The following MAGI2 variants were observed in gnomAD, a reference collection of about 807,000 sequenced individuals.
The protein encoded by MAGI2 is membrane associated guanylate kinase, WW and PDZ domain containing 2.
MAGI2 carries 35 observed loss-of-function variants against 133.3 expected under a neutral mutation model. That is an observed-to-expected ratio of 0.26 (90% CI 0.20 to 0.35). The LOEUF (loss-of-function observed/expected upper bound fraction) is 0.35, where lower values mean the gene tolerates loss of function less well. Among genes scored for constraint, MAGI2 ranks in the 10% least tolerant of loss-of-function variants. The probability of loss-of-function intolerance (pLI) is 1.00; values close to 1 mark genes in which losing one functional copy is unlikely to be tolerated. For synonymous variants in MAGI2, 729 were observed against 710.6 expected, an observed-to-expected ratio of 1.03 and a Z score of -0.41; for missense variants, 1,636 against 1,863.4, an observed-to-expected ratio of 0.88 and a Z score of 2.25.
intron 3 of MAGI2, among the ~76,000 whole-genome samples, chr7:78,614,152 G>C (rs960395071): frequency 6.6e-6 from 1 of 151,450 alleles, no homozygotes; most frequent in Non-Finnish European, 1.5e-5. Context: ...TGTGAATGTG[G>C]GCCTTTCAGG....
intron 1 of MAGI2, among the ~76,000 whole-genome samples, chr7:79,190,444 A>G (rs1189697983): frequency 6.6e-6 from 1 of 151,794 alleles, no homozygotes; most frequent in Non-Finnish European, 1.5e-5. Context: ...GTCTGTTCCT[A>G]TCTTACCCAT....
At chr7:78,371,142 G>A (rs1345774552) in intron 6 of MAGI2, among the ~76,000 whole-genome samples, 2 of 151,862 alleles carry the variant, frequency 1.3e-5, no homozygotes, top group Non-Finnish European at 2.9e-5. Flanking sequence ...AGATTAAGAA[G>A]AATAACTCTC....
Position 78,750,056 on chromosome 7 carries a change from G to A in MAGI2, c.419-122817C>T, listed in dbSNP as rs115799975. ...CTAGCCCCCAACCCCGACAGGCCCTGGTATGTGATGTTCCCCTCCCCATCT... is the reference window on the plus strand; with the variant it reads ...CTAGCCCCCAACCCCGACAGGCCCTAGTATGTGATGTTCCCCTCCCCATCT... On this transcript the variant is annotated intron_variant, in intron 2 of 21. Coordinates refer to ENST00000354212, the MANE Select transcript of MAGI2 (RefSeq NM_012301.4). Among the ~76,000 whole-genome samples the A allele has an allele frequency of 2.6e-3, 397 of 151,998 alleles. 1 individual carries two copies. Among genetic ancestry groups the A allele is most frequent in the African/African-American group, 9.1e-3 (377 of 41,444 alleles).
Position 79,453,427 on chromosome 7 carries a change from G to C in MAGI2, c.-107C>G. Reference sequence around the variant, plus strand: ...AGGGGGCCCAGGGGGAAGAACAGCAGACTTTGCCTTCGCCCCCCTCTATTC... The same window carrying C: ...AGGGGGCCCAGGGGGAAGAACAGCACACTTTGCCTTCGCCCCCCTCTATTC... On this transcript the variant is annotated 5_prime_UTR_variant, in exon 1 of 22. Coordinates refer to ENST00000354212, the MANE Select transcript of MAGI2 (RefSeq NM_012301.4). 6.7e-7 allele frequency: 1 copy of C among 1,501,680 alleles called. No individual in the cohort carries two copies. Among genetic ancestry groups the C allele is most frequent in the Non-Finnish European group, 8.8e-7 (1 of 1,132,400 alleles). The allele number at this position is 1,501,680 out of a possible 1,614,324, so 93.0% of individuals were successfully genotyped here.
chr7:79,337,478 A>T (rs948099281), intron 1 of MAGI2, among the ~76,000 whole-genome samples: 2 of 152,192 alleles, frequency 1.3e-5, no homozygotes, highest in Non-Finnish European at 2.9e-5. Flanking sequence ...AAAGAGAAAG[A>T]TCTACAGCAT....
chr7:79,371,884 A>T (rs848915), intron 1 of MAGI2, among the ~76,000 whole-genome samples: 53,850 of 151,946 alleles, frequency 0.35, 10,796 homozygotes, highest in African/African-American at 0.55. Context: ...GCAGCCAAGA[A>T]TCCACTTTGT....
At chr7:79,250,224 T>C (rs1833136916) in intron 1 of MAGI2, among the ~76,000 whole-genome samples, 1 of 151,946 alleles carries the variant, frequency 6.6e-6, no homozygotes, top group South Asian at 2.1e-4. Context: ...TTCTCTTCTC[T>C]AAGATCCAGA....
chr7:78,408,596 T>A (rs551901053), intron 6 of MAGI2, among the ~76,000 whole-genome samples: 4 of 152,136 alleles, frequency 2.6e-5, no homozygotes, highest in African/African-American at 9.6e-5. Flanking sequence ...CTTGGTCAAT[T>A]AGTAAGCAGA....
chr7:78,926,014 C>G (rs1405233952), intron 2 of MAGI2, among the ~76,000 whole-genome samples: 2 of 151,970 alleles, frequency 1.3e-5, no homozygotes, highest in Non-Finnish European at 2.9e-5. Flanking sequence ...TGTTCTCATA[C>G]TTTTCATTTT....
At chr7:78,941,317 G>T (rs1314676701) in intron 2 of MAGI2, among the ~76,000 whole-genome samples, 1 of 152,042 alleles carries the variant, frequency 6.6e-6, no homozygotes, top group African/African-American at 2.4e-5. Flanking sequence ...CAAGACACCT[G>T]CTCAACACAT....
intron 14 of MAGI2, among the ~76,000 whole-genome samples, chr7:78,171,714 C>T (rs553633010): frequency 1.2e-4 from 18 of 152,192 alleles, no homozygotes; most frequent in Non-Finnish European, 2.1e-4. Context: ...TACCAGGTCA[C>T]ACCCTTTTAG....
chr7:79,148,360 T>G (rs1033556579), intron 1 of MAGI2, among the ~76,000 whole-genome samples: 3 of 152,150 alleles, frequency 2.0e-5, no homozygotes, highest in African/African-American at 7.2e-5. Flanking sequence ...AAATTCTGTC[T>G]CACTTCCCAG....
chr7:79,132,648 G>A (rs751958773), intron 1 of MAGI2, among the ~76,000 whole-genome samples: 4 of 151,958 alleles, frequency 2.6e-5, no homozygotes, highest in East Asian at 1.9e-4. Context: ...TTTCCTTTGC[G>A]TAGATACCCA....
intron 4 of MAGI2, 51 bp downstream of exon 4, chr7:78,521,379 T>C (rs1211632178): frequency 7.4e-7 from 1 of 1,353,684 alleles, no homozygotes; most frequent in African/African-American, 1.4e-5. Flanking sequence ...ATATATATCT[T>C]AGATCTAAAA....
At chr7:79,443,263 A>AGTGTGT (rs10600872) in intron 1 of MAGI2, among the ~76,000 whole-genome samples, 11 of 143,672 alleles carry the variant, frequency 7.7e-5, no homozygotes, top group African/African-American at 2.3e-4. Flanking sequence ...TAGTGTTTGA[A>AGTGTGT]GTGTGTGTGT....
In MAGI2 at chr7:78,567,168, T is replaced by C. The variant is rs1183854052; in HGVS notation, c.539-45523A>G. Among the ~76,000 whole-genome samples, 5 of 152,342 alleles carry C rather than the reference T, an allele frequency of 3.3e-5. No homozygotes were observed. In the South Asian group the frequency reaches 8.3e-4, roughly 25 times the overall value. Reference sequence around the variant, plus strand: ...TTTGAAAAAGTAAATTCATAGTTGATAGGAAACCTTGACATTCAAGTTTTT... The same window carrying C: ...TTTGAAAAAGTAAATTCATAGTTGACAGGAAACCTTGACATTCAAGTTTTT... On this transcript the variant is annotated intron_variant, in intron 3 of 21. Transcript: ENST00000354212.
chr7:78,744,160 G>A (rs1481136510), intron 2 of MAGI2, among the ~76,000 whole-genome samples: 1 of 151,832 alleles, frequency 6.6e-6, no homozygotes, highest in Non-Finnish European at 1.5e-5. Context: ...TTTTCAAGAG[G>A]TCAAAAAACC....
chr7:78,247,944 A>G (rs1249608826), intron 10 of MAGI2, among the ~76,000 whole-genome samples: 1 of 152,260 alleles, frequency 6.6e-6, no homozygotes, highest in Non-Finnish European at 1.5e-5. Context: ...GTCTTGGAAG[A>G]GATAAAAACA....
chr7:79,215,519 T>A lies in MAGI2; in HGVS notation c.302-208313A>T, dbSNP rs118098798. 3.8e-4 allele frequency among the ~76,000 whole-genome samples: 58 copies of A among 152,136 alleles called. 1 individual carries two copies. In the East Asian group the frequency reaches 0.01, roughly 27 times the overall value. On this transcript the variant is annotated intron_variant, in intron 1 of 21. Coordinates refer to ENST00000354212, the MANE Select transcript of MAGI2 (RefSeq NM_012301.4). ...GAAGAGCCTTGGTCTCCACAACCCC[T>A]TATCTTAACCCAGACATTACTTTCT...
Sources: allele counts gnomAD v4.1 joint callset (sites outside exome capture counted in the v4.1 genomes callset), GRCh38; gene constraint gnomAD v4.1.1; transcripts MANE v1.5; gene names NCBI Gene and HGNC (gene_info 2026-07-23, HGNC 2026-07-21).